Variants in SDCCAG8 observed in about 807,000 individuals in gnomAD.
SDCCAG8 encodes the protein serologically defined colon cancer antigen 8.
SDCCAG8 carries 74 observed loss-of-function variants against 101.8 expected under a neutral mutation model. The ratio of observed to expected loss-of-function variants is 0.73; its 90% CI spans 0.60 to 0.88. SDCCAG8 has a LOEUF of 0.88. SDCCAG8 is among the 40% of genes least tolerant of loss of function. The pLI is 0.00. For missense variants in SDCCAG8, 787 were observed against 822.6 expected (o/e 0.96, Z 0.53); for synonymous variants, 281 against 292.9 (o/e 0.96, Z 0.41).
intron 13 of SDCCAG8, among the ~76,000 whole-genome samples, chr1:243,411,152 C>T (rs1026280457): frequency 9.2e-5 from 14 of 151,986 alleles, no homozygotes; most frequent in African/African-American, 1.9e-4. Context: ...CTCACTCTGT[C>T]GCCCAGGCTG....
chr1:243,271,119 T>A, intron 3 of SDCCAG8, 56 bp downstream of exon 3: 1 of 1,291,428 alleles, frequency 7.7e-7, no homozygotes, highest in South Asian at 1.2e-5. Flanking sequence ...CTGTATTGTG[T>A]TATTTTGTAG....
intron 12 of SDCCAG8, among the ~76,000 whole-genome samples, chr1:243,374,961 CTATT>C (rs1427578349): frequency 2.0e-5 from 3 of 151,894 alleles, no homozygotes; most frequent in Non-Finnish European, 2.9e-5. Context: ...GAAAAACAAA[CTATT>C]AAAAAACTAG....
intron 13 of SDCCAG8, among the ~76,000 whole-genome samples, chr1:243,399,580 T>C (rs531328219): frequency 6.6e-6 from 1 of 152,144 alleles, no homozygotes; most frequent in East Asian, 1.9e-4. Flanking sequence ...GATCTCAGCT[T>C]ACTGCAACCT....
At chr1:243,343,131 T>G (rs2075482240) in intron 11 of SDCCAG8, among the ~76,000 whole-genome samples, 1 of 152,216 alleles carries the variant, frequency 6.6e-6, no homozygotes, top group Admixed American at 6.5e-5. Flanking sequence ...CCAGCTTAAA[T>G]GCATATAGGT....
Position 243,499,910 on chromosome 1 carries a change from G to A in SDCCAG8, c.*125G>A, listed in dbSNP as rs372086684. ...TGACACCGCCTCAGCCTGCAGTGGG[G>A]CTGGTCCTCATCAACGCGGGCGCTG... On this transcript the variant is annotated 3_prime_UTR_variant, in exon 18 of 18. Coordinates refer to ENST00000366541, the MANE Select transcript of SDCCAG8 (RefSeq NM_006642.5). 90 of 903,256 alleles carry A rather than the reference G, an allele frequency of 1.0e-4. No individual in the cohort carries two copies. The highest frequency in any genetic ancestry group is 4.9e-4 in the African/African-American group (30 of 60,812). 56.0% of individuals were successfully genotyped at this position (903,256 alleles called of 1,614,324 possible).
intron 16 of SDCCAG8, among the ~76,000 whole-genome samples, chr1:243,429,826 G>T (rs529861686): frequency 6.7e-6 from 1 of 149,526 alleles, no homozygotes; most frequent in Non-Finnish European, 1.5e-5. Flanking sequence ...CTCAGCCTCC[G>T]GAGTAGCTGG....
chr1:243,261,192 T>C (rs965826818), intron 1 of SDCCAG8, among the ~76,000 whole-genome samples: 1 of 152,158 alleles, frequency 6.6e-6, no homozygotes, highest in Non-Finnish European at 1.5e-5. Context: ...TTCTTCTCTC[T>C]TTTTCCCTCT....
At chr1:243,376,781 C>T (rs2077622685) in intron 12 of SDCCAG8, among the ~76,000 whole-genome samples, 1 of 152,096 alleles carries the variant, frequency 6.6e-6, no homozygotes, top group African/African-American at 2.4e-5. Context: ...TTTTCATGGT[C>T]TCCCTTCCGC....
chr1:243,436,093 T>G (rs1315904971), intron 16 of SDCCAG8, among the ~76,000 whole-genome samples: 1 of 152,116 alleles, frequency 6.6e-6, no homozygotes, highest in Non-Finnish European at 1.5e-5. Context: ...TTGTACATTC[T>G]GTGGTTTGGA....
At chr1:243,485,615 A>C (rs1159702393) in intron 16 of SDCCAG8, among the ~76,000 whole-genome samples, 1 of 152,228 alleles carries the variant, frequency 6.6e-6, no homozygotes, top group South Asian at 2.1e-4. Flanking sequence ...ATAACTTTCA[A>C]AAAATCTCAG....
In SDCCAG8 at chr1:243,466,121, CT is replaced by C. The variant is rs528632344; in HGVS notation, c.1986-22890del. ...TGTATTCAACTGGCAAAGCAAAGGA[CT>C]TTGGTTTTCATTTTGGGGGCCCCAG... On this transcript the variant is annotated intron_variant, in intron 16 of 17. Coordinates refer to ENST00000366541, the MANE Select transcript of SDCCAG8 (RefSeq NM_006642.5). Among the ~76,000 whole-genome samples the C allele has an allele frequency of 5.7e-4, 87 of 152,238 alleles. 1 individual carries two copies. The highest frequency in any genetic ancestry group is 2.1e-3 in the African/African-American group (86 of 41,540).
chr1:243,414,118 AT>A, intron 13 of SDCCAG8, among the ~76,000 whole-genome samples: 1 of 152,338 alleles, frequency 6.6e-6, no homozygotes, highest in Middle Eastern at 3.4e-3. Flanking sequence ...GATAAATACT[AT>A]CTTTGTACGA....
intron 15 of SDCCAG8, among the ~76,000 whole-genome samples, chr1:243,426,069 A>C (rs2081318356): frequency 6.6e-6 from 1 of 152,232 alleles, no homozygotes; most frequent in Non-Finnish European, 1.5e-5. Flanking sequence ...TATAGAAATT[A>C]GGCCTAGGGT....
intron 13 of SDCCAG8, among the ~76,000 whole-genome samples, chr1:243,401,879 T>C (rs548767159): frequency 6.6e-6 from 1 of 152,228 alleles, no homozygotes; most frequent in South Asian, 2.1e-4. Flanking sequence ...GAGAAACTTA[T>C]CAAGGTTAAA....
intron 12 of SDCCAG8, among the ~76,000 whole-genome samples, chr1:243,372,795 G>A: frequency 6.6e-6 from 1 of 151,420 alleles, no homozygotes; most frequent in East Asian, 1.9e-4. Flanking sequence ...AGGAGTTCAA[G>A]ACCAGCCTGC....
chr1:243,277,975 T>G (rs1227967891), intron 4 of SDCCAG8, among the ~76,000 whole-genome samples: 2 of 152,216 alleles, frequency 1.3e-5, no homozygotes, highest in African/African-American at 2.4e-5. Context: ...GTGATGAGTA[T>G]TCTGGGACTT....
intron 13 of SDCCAG8, among the ~76,000 whole-genome samples, chr1:243,395,964 T>C (rs1257692765): frequency 2.0e-5 from 3 of 152,104 alleles, no homozygotes; most frequent in Non-Finnish European, 4.4e-5. Context: ...TTTGGGATAA[T>C]CCTTCAAAAT....
intron 16 of SDCCAG8, among the ~76,000 whole-genome samples, chr1:243,454,856 G>C (rs1319450071): frequency 6.6e-6 from 1 of 152,006 alleles, no homozygotes; most frequent in South Asian, 2.1e-4. Context: ...TCGGTGTCTG[G>C]GGTAACCAGA....
chr1:243,375,122 A>G (rs1175023720), intron 12 of SDCCAG8, among the ~76,000 whole-genome samples: 3 of 152,136 alleles, frequency 2.0e-5, no homozygotes, highest in African/African-American at 4.8e-5. Context: ...ATATGGGAGC[A>G]TGAGGTGGGT....
Sources: gnomAD v4.1 joint callset for allele counts (sites outside exome capture counted in the v4.1 genomes callset) on GRCh38, gnomAD v4.1.1 for gene constraint, MANE v1.5 for transcripts, NCBI Gene and HGNC (gene_info 2026-07-23, HGNC 2026-07-21) for gene names.